DIAPH2: variants seen among roughly 807,000 people sequenced by gnomAD.
DIAPH2 encodes the protein protein diaphanous homolog 2.
Under a neutral mutation model 92.7 loss-of-function variants are expected in DIAPH2, and 35 were observed. The ratio of observed to expected loss-of-function variants is 0.38; its 90% CI spans 0.29 to 0.50. DIAPH2 has a LOEUF of 0.50. DIAPH2 is among the 20% of genes least tolerant of loss of function. DIAPH2 has a pLI of 0.94. For missense variants in DIAPH2, 701 were observed against 819.5 expected (o/e 0.86, Z 1.77); for synonymous variants, 301 against 280.4 (o/e 1.07, Z -0.73).
chrX:96,879,855 G>A (rs1031278966), intron 4 of DIAPH2, among the ~76,000 whole-genome samples: 3 of 110,468 alleles, frequency 2.7e-5, no homozygotes, highest in Non-Finnish European at 5.7e-5. Flanking sequence ...TTAGCCTCAC[G>A]AGTTGCTGGG....
intron 22 of DIAPH2, among the ~76,000 whole-genome samples, chrX:97,147,125 T>G (rs1040722974): frequency 9.0e-6 from 1 of 111,541 alleles, no homozygotes; most frequent in Non-Finnish European, 1.9e-5. Context: ...ATAGGCCGTA[T>G]GAAGTTCAGA....
At position 96,973,688 on chromosome X, in the gene DIAPH2, C is replaced by CTTTTTTTTT. The variant is rs1169211955; in HGVS notation, c.2050+8497_2050+8505dup. Among the ~76,000 whole-genome samples the CTTTTTTTTT allele has an allele frequency of 1.1e-4, 5 of 46,703 alleles. 1 individual carries two copies. Among genetic ancestry groups the CTTTTTTTTT allele is most frequent in the Admixed American group, 3.1e-4 (1 of 3,277 alleles). 40.6% of individuals were successfully genotyped at this position (46,703 alleles called of 115,157 possible). On this transcript the variant is annotated intron_variant, in intron 17 of 26. Coordinates refer to ENST00000324765, the MANE Select transcript of DIAPH2 (RefSeq NM_006729.5). ...TTTATAGCAGGCATTTGAATATTTG[C>CTTTTTTTTT]TTTTTTTTTTTTTTTTTTTTTTTTG... is the stretch of plus-strand genomic sequence containing the variant.
intron 11 of DIAPH2, 95 bp downstream of exon 11, chrX:96,937,446 C>A: frequency 2.2e-6 from 1 of 463,882 alleles, no homozygotes; most frequent in Non-Finnish European, 3.6e-6. Context: ...TCTTGTCTGC[C>A]CTCCCAATTT....
At chrX:97,399,024 G>A (rs758158494) in intron 25 of DIAPH2, among the ~76,000 whole-genome samples, 1 of 111,120 alleles carries the variant, frequency 9.0e-6, no homozygotes, top group African/African-American at 3.3e-5. Context: ...TATTATAGGC[G>A]TGAGCCATTG....
At chrX:97,228,378 A>G (rs1366802894) in intron 22 of DIAPH2, among the ~76,000 whole-genome samples, 1 of 111,772 alleles carries the variant, frequency 8.9e-6, no homozygotes, top group Non-Finnish European at 1.9e-5. Flanking sequence ...TTCTGTGTGT[A>G]TGGTAGAAAA....
intron 23 of DIAPH2, among the ~76,000 whole-genome samples, chrX:97,262,097 A>G (rs2068293296): frequency 9.2e-6 from 1 of 108,893 alleles, no homozygotes; most frequent in Non-Finnish European, 1.9e-5. Context: ...GAAACTAAAA[A>G]AAAAAAAAAA....
chrX:96,912,304 T>A (rs2065473644), intron 5 of DIAPH2, 24 bp from the exon 6 acceptor site: 6 of 1,127,663 alleles, frequency 5.3e-6, no homozygotes, highest in Non-Finnish European at 7.2e-6. Flanking sequence ...TACTTATACA[T>A]CTAATTTTTT....
intron 4 of DIAPH2, among the ~76,000 whole-genome samples, chrX:96,790,344 T>C (rs896835556): frequency 1.8e-5 from 2 of 111,683 alleles, no homozygotes; most frequent in Non-Finnish European, 3.8e-5. Context: ...GTGCTGGAAT[T>C]ACAGGCATGA....
intron 26 of DIAPH2, among the ~76,000 whole-genome samples, chrX:97,492,104 A>G (rs1016425853): frequency 2.1e-4 from 24 of 111,650 alleles, no homozygotes; most frequent in Admixed American, 6.7e-4. Flanking sequence ...TTGTCTTTTA[A>G]CTTTAATAGT....
intron 25 of DIAPH2, among the ~76,000 whole-genome samples, chrX:97,391,835 G>A (rs191318213): frequency 9.0e-6 from 1 of 111,029 alleles, no homozygotes; most frequent in Admixed American, 9.7e-5. Flanking sequence ...GATTATTTCT[G>A]TAATCTACAT....
intron 26 of DIAPH2, among the ~76,000 whole-genome samples, chrX:97,464,031 A>G (rs1276189490): frequency 9.0e-6 from 1 of 110,738 alleles, no homozygotes; most frequent in Non-Finnish European, 1.9e-5. Context: ...ATGGAACAGA[A>G]ATCTACATAA....
Position 97,599,599 on chromosome X carries a change from T to C in DIAPH2, c.*282T>C. On this transcript the variant is annotated 3_prime_UTR_variant, in exon 27 of 27. Coordinates refer to ENST00000324765, the MANE Select transcript of DIAPH2 (RefSeq NM_006729.5). ...TGTGACCTGACTGTGATGATGGAAG[T>C]GTAAGAAATTGAAGAGTTCTAAGGC... 6.4e-6 allele frequency: 1 copy of C among 155,712 alleles called. No individual in the cohort carries two copies. The highest frequency in any genetic ancestry group is 1.2e-5 in the Non-Finnish European group (1 of 80,812). 12.8% of individuals were successfully genotyped at this position (155,712 alleles called of 1,213,427 possible).
chrX:96,972,005 T>A (rs1335010085), intron 17 of DIAPH2, among the ~76,000 whole-genome samples: 1 of 111,832 alleles, frequency 8.9e-6, no homozygotes, highest in East Asian at 2.8e-4. Flanking sequence ...TAGTAAGAAA[T>A]CAGCAGGAGG....
At chrX:97,464,561 A>G (rs773118165) in intron 26 of DIAPH2, among the ~76,000 whole-genome samples, 1 of 111,413 alleles carries the variant, frequency 9.0e-6, no homozygotes, top group South Asian at 3.8e-4. Context: ...AATCTGACTG[A>G]TCCAGCTAGC....
intron 22 of DIAPH2, among the ~76,000 whole-genome samples, chrX:97,230,192 A>C (rs986747666): frequency 2.7e-5 from 3 of 111,690 alleles, no homozygotes; most frequent in Admixed American, 9.6e-5. Flanking sequence ...ATTTCTTTTC[A>C]AATATTGATA....
chrX:96,912,394 C>T lies in DIAPH2; in HGVS notation c.654C>T (p.Asp218=). ...TGGATGAGCTGGAAAAGCTTCTGGACAAAAAACAGTAAGAATAAACACTGA... is the reference window on the plus strand; with the variant it reads ...TGGATGAGCTGGAAAAGCTTCTGGATAAAAAACAGTAAGAATAAACACTGA... ...LLLDELEKLL[D]KKQQENIDKK... is the part of the protein sequence containing the mutation. The change falls in exon 6 of 27, where the codon GAC becomes GAT. Residue 218 remains aspartate, a synonymous_variant. Transcript: ENST00000324765. 1.7e-6 allele frequency: 2 copies of T among 1,199,551 alleles called. No individual in the cohort carries two copies.
intron 24 of DIAPH2, among the ~76,000 whole-genome samples, 197 bp from the exon 25 acceptor site, chrX:97,383,712 C>T (rs1433147576): frequency 9.2e-6 from 1 of 109,258 alleles, no homozygotes; most frequent in African/African-American, 3.3e-5. Context: ...ATTCAGGCTG[C>T]TGTAATACCT....
intron 5 of DIAPH2, chrX:96,884,586 C>A: frequency 8.3e-7 from 1 of 1,210,629 alleles, no homozygotes; most frequent in Non-Finnish European, 1.1e-6. Flanking sequence ...ACATTTGTTA[C>A]AAAATTGATG....
intron 15 of DIAPH2, 107 bp from the exon 16 acceptor site, chrX:96,957,721 T>A: frequency 1.6e-6 from 1 of 610,063 alleles, no homozygotes; most frequent in Non-Finnish European, 2.5e-6. Flanking sequence ...GTATATATGA[T>A]CTTAAAACAT....
Sources: allele counts gnomAD v4.1 joint callset (sites outside exome capture counted in the v4.1 genomes callset), GRCh38; gene constraint gnomAD v4.1.1; transcripts MANE v1.5; gene names NCBI Gene and HGNC (gene_info 2026-07-23, HGNC 2026-07-21).